The following SAMSN1 variants were observed in gnomAD, a reference collection of about 807,000 sequenced individuals.
SAMSN1 encodes SAM domain-containing protein SAMSN-1.
In SAMSN1, 31 loss-of-function variants were observed where a neutral mutation model predicts 42.0. The ratio of observed to expected loss-of-function variants is 0.74; its 90% CI spans 0.55 to 1.00. The LOEUF (loss-of-function observed/expected upper bound fraction) is 1.00. Ranked by LOEUF, SAMSN1 falls within the 50% of genes least tolerant of loss-of-function variation. The pLI is 0.00. For missense variants in SAMSN1, 464 were observed against 439.4 expected (o/e 1.06, Z -0.50); for synonymous variants, 178 against 151.9 (o/e 1.17, Z -1.26).
chr21:14,615,093 C>T (rs1431268758), intron 3 of SAMSN1, among the ~76,000 whole-genome samples: 1 of 152,156 alleles, frequency 6.6e-6, no homozygotes, highest in African/African-American at 2.4e-5. Context: ...GAAAAACAGC[C>T]TCACATACAT....
chr21:14,588,862 T>G (rs1982000024), intron 7 of SAMSN1, among the ~76,000 whole-genome samples: 1 of 137,132 alleles, frequency 7.3e-6, no homozygotes, highest in Non-Finnish European at 1.6e-5. Flanking sequence ...TCTAATTGGT[T>G]TTCTTTTCAC....
At chr21:14,490,872 A>G (rs933511871) in intron 7 of SAMSN1, among the ~76,000 whole-genome samples, 3 of 152,090 alleles carry the variant, frequency 2.0e-5, no homozygotes, top group Admixed American at 2.0e-4. Flanking sequence ...CTCCACTTCC[A>G]CTGTGCTAGG....
intron 2 of SAMSN1, among the ~76,000 whole-genome samples, chr21:14,638,508 T>C (rs142524473): frequency 1.1e-4 from 17 of 152,348 alleles, no homozygotes; most frequent in Admixed American, 5.2e-4. Flanking sequence ...ACACAGTTTC[T>C]ATTGCATTCT....
intron 1 of SAMSN1, among the ~76,000 whole-genome samples, chr21:14,541,099 G>A (rs985566059): frequency 2.7e-5 from 4 of 149,886 alleles, no homozygotes; most frequent in African/African-American, 9.9e-5. Flanking sequence ...TCTGGACACA[G>A]GGCAGGGAAC....
chr21:14,620,204 G>C (rs908614714), intron 2 of SAMSN1, among the ~76,000 whole-genome samples: 2 of 152,090 alleles, frequency 1.3e-5, no homozygotes, highest in African/African-American at 4.8e-5. Context: ...ATATGGTTAG[G>C]CTTTGTGTCC....
chr21:14,641,619 G>A (rs1302582883), intron 2 of SAMSN1, among the ~76,000 whole-genome samples: 2 of 152,030 alleles, frequency 1.3e-5, no homozygotes, highest in Admixed American at 1.3e-4. Context: ...ACAAAAATAA[G>A]GCACTGAATA....
chr21:14,525,200 G>T (rs1292119452), intron 1 of SAMSN1, among the ~76,000 whole-genome samples: 1 of 152,112 alleles, frequency 6.6e-6, no homozygotes, highest in Non-Finnish European at 1.5e-5. Flanking sequence ...CACAAAAGGA[G>T]ATAACCAGAA....
At chr21:14,567,978 G>T (rs527575177) in intron 2 of SAMSN1, among the ~76,000 whole-genome samples, 6 of 152,128 alleles carry the variant, frequency 3.9e-5, no homozygotes, top group African/African-American at 9.7e-5. Flanking sequence ...ATAAAAAATG[G>T]TGTTCGTCTA....
chr21:14,493,692 G>T (rs1483897512), intron 7 of SAMSN1, among the ~76,000 whole-genome samples: 1 of 151,640 alleles, frequency 6.6e-6, no homozygotes, highest in Non-Finnish European at 1.5e-5. Flanking sequence ...ATAATAAATA[G>T]AAAAACCTAA....
At chr21:14,503,625 TA>T (rs1418575327) in intron 5 of SAMSN1, among the ~76,000 whole-genome samples, 3 of 151,962 alleles carry the variant, frequency 2.0e-5, no homozygotes, top group Non-Finnish European at 2.9e-5. Context: ...CAGGAGGGAA[TA>T]TCACCAGGAG....
intron 4 of SAMSN1, among the ~76,000 whole-genome samples, chr21:14,610,505 C>T (rs1982675626): frequency 6.6e-6 from 1 of 152,150 alleles, no homozygotes; most frequent in African/African-American, 2.4e-5. Context: ...TTTTGTCGCC[C>T]TTGAAGCATG....
At chr21:14,656,268 G>A (rs1333324992) in intron 1 of SAMSN1, among the ~76,000 whole-genome samples, 1 of 151,752 alleles carries the variant, frequency 6.6e-6, no homozygotes, top group Non-Finnish European at 1.5e-5. Flanking sequence ...CAAATGGGGA[G>A]CAGGGTATTC....
At chr21:14,581,344 C>T (rs142505253) in intron 2 of SAMSN1, among the ~76,000 whole-genome samples, 615 of 32,498 alleles carry the variant, frequency 0.019, 1 homozygote, top group South Asian at 0.039. Context: ...AATAATATTT[C>T]TTTTTTTTTT....
chr21:14,605,714 T>C (rs775162266), intron 5 of SAMSN1, among the ~76,000 whole-genome samples: 20 of 152,116 alleles, frequency 1.3e-4, no homozygotes, highest in Non-Finnish European at 2.6e-4. Context: ...GTAATTCAAA[T>C]GGTGGACTAG....
At chr21:14,526,903 A>C (rs1457790708) in intron 1 of SAMSN1, among the ~76,000 whole-genome samples, 3 of 152,226 alleles carry the variant, frequency 2.0e-5, no homozygotes, top group Non-Finnish European at 4.4e-5. Context: ...AACCAGAAGA[A>C]CTTGACCCTC....
chr21:14,587,475 T>C (rs1402485845), upstream of SAMSN1, among the ~76,000 whole-genome samples: 2 of 152,294 alleles, frequency 1.3e-5, no homozygotes, highest in East Asian at 3.9e-4. Context: ...TTTGCCTTTT[T>C]TGGCCCTTCC....
chr21:14,592,155 A>C (rs774557175), intron 7 of SAMSN1: 1 of 152,208 alleles, frequency 6.6e-6, no homozygotes, highest in Non-Finnish European at 1.5e-5. Flanking sequence ...CTTCCTGCGT[A>C]ATATCCTCTG....
chr21:14,510,553 C>T, intron 4 of SAMSN1, 92 bp from the exon 5 acceptor site: 1 of 1,405,744 alleles, frequency 7.1e-7, no homozygotes, highest in African/African-American at 1.4e-5. Context: ...AATGCTGGAA[C>T]ACTGGATGCC....
Position 14,612,292 on chromosome 21 carries a change from T to A in SAMSN1, c.235+584A>T, listed in dbSNP as rs972957519. Among the ~76,000 whole-genome samples the A allele has an allele frequency of 2.6e-5, 4 of 152,330 alleles. No individual in the cohort carries two copies. In the South Asian group the frequency reaches 8.3e-4, roughly 32 times the overall value. The stretch of plus-strand genomic sequence containing the variant: ...TGATCCAGATGTTTCACATTGTGAA[T>A]GTTTTATAATTACTGACTCCCTATT... On this transcript the variant is annotated intron_variant, in intron 4 of 15. Coordinates refer to the SAMSN1 transcript ENST00000647101.
Sources: gnomAD v4.1 joint callset for allele counts (sites outside exome capture counted in the v4.1 genomes callset) on GRCh38, gnomAD v4.1.1 for gene constraint, MANE v1.5 for transcripts, NCBI Gene and HGNC (gene_info 2026-07-23, HGNC 2026-07-21) for gene names.